The following RBFOX1 variants were observed in gnomAD, a reference collection of about 807,000 sequenced individuals.
RBFOX1 encodes the protein RNA binding fox-1 homolog 1, also known as RNA binding protein fox-1 homolog 1.
Under a neutral mutation model 57.7 loss-of-function variants are expected in RBFOX1, and 8 were observed. That is an observed-to-expected ratio of 0.14 (90% CI 0.08 to 0.25). The LOEUF is 0.25. RBFOX1 is among the 10% of genes least tolerant of loss of function. The pLI is 1.00. For synonymous variants in RBFOX1, 326 were observed against 222.4 expected (o/e 1.47, Z -4.15); for missense variants, 611 against 548.5 (o/e 1.11, Z -1.14).
intron 4 of RBFOX1, among the ~76,000 whole-genome samples, chr16:7,103,802 C>G (rs2063108969): frequency 6.6e-6 from 1 of 152,098 alleles, no homozygotes; most frequent in Non-Finnish European, 1.5e-5. Context: ...TCAGAAATTA[C>G]CAGACTCGTG....
rs181566554 is a variant in RBFOX1 at position 7,572,610 on chromosome 16, C to A, written c.271-7167C>A. On this transcript the variant is annotated intron_variant, in intron 5 of 15. Transcript: ENST00000550418. The stretch of plus-strand genomic sequence containing the variant: ...ATCCCAGCACTTTGGGAGGCTGAGG[C>A]GGGCGGATCACGAGGTCAGGAGATC... Among the ~76,000 whole-genome samples the A allele has an allele frequency of 3.9e-5, 6 of 152,200 alleles. No homozygotes were observed. In the East Asian group the frequency reaches 7.7e-4, roughly 20 times the overall value.
At chr16:5,603,462 C>G (rs899170732), downstream of RBFOX1, among the ~76,000 whole-genome samples, 1 of 152,120 alleles carries the variant, frequency 6.6e-6, no homozygotes, top group Non-Finnish European at 1.5e-5. Context: ...GAGGGGAAGG[C>G]CAGCAGGTTC....
intron 2 of RBFOX1, among the ~76,000 whole-genome samples, chr16:6,603,275 G>A (rs914501878): frequency 1.3e-5 from 2 of 152,148 alleles, no homozygotes; most frequent in Non-Finnish European, 2.9e-5. Context: ...CCGGGGAAAG[G>A]CAGCCCACAT....
intron 3 of RBFOX1, among the ~76,000 whole-genome samples, chr16:6,757,660 G>A (rs2154196123): frequency 6.6e-6 from 1 of 152,248 alleles, no homozygotes; most frequent in African/African-American, 2.4e-5. Flanking sequence ...TAGAGAAGGT[G>A]GGATGAGGGG....
At chr16:6,001,055 G>A (rs1373060835) in intron 4 of RBFOX1, among the ~76,000 whole-genome samples, 2 of 152,098 alleles carry the variant, frequency 1.3e-5, no homozygotes, top group Non-Finnish European at 2.9e-5. Flanking sequence ...ATGGGTAGGT[G>A]GGTTGATGGA....
chr16:5,373,755 C>T (rs1043244484), intron 1 of RBFOX1, among the ~76,000 whole-genome samples: 1 of 151,878 alleles, frequency 6.6e-6, no homozygotes, highest in African/African-American at 2.4e-5. Flanking sequence ...AGGTGCCGAC[C>T]ACCACACCCA....
At chr16:7,147,977 C>T (rs781318389) in intron 4 of RBFOX1, among the ~76,000 whole-genome samples, 1 of 152,134 alleles carries the variant, frequency 6.6e-6, no homozygotes, top group Non-Finnish European at 1.5e-5. Flanking sequence ...CTAGTTAGAA[C>T]CTTGCAGTCA....
chr16:5,602,214 C>G (rs1373179135), downstream of RBFOX1, among the ~76,000 whole-genome samples: 3 of 152,196 alleles, frequency 2.0e-5, no homozygotes, highest in African/African-American at 4.8e-5. Context: ...GTTGGCCTGA[C>G]CATCTCTGGA....
At chr16:6,176,231 G>A (rs186167598) in intron 1 of RBFOX1, among the ~76,000 whole-genome samples, 158 of 151,424 alleles carry the variant, frequency 1.0e-3, no homozygotes, top group Middle Eastern at 3.4e-3. Flanking sequence ...TTGCAACCTC[G>A]GCCTCCCCAG....
intron 4 of RBFOX1, among the ~76,000 whole-genome samples, chr16:7,300,700 G>A (rs1227550185): frequency 6.6e-6 from 1 of 152,174 alleles, no homozygotes; most frequent in Non-Finnish European, 1.5e-5. Context: ...GAAAAAAATG[G>A]TTTCCATTCT....
intron 3 of RBFOX1, among the ~76,000 whole-genome samples, chr16:6,675,187 A>AG (rs1461059226): frequency 6.6e-6 from 1 of 152,172 alleles, no homozygotes; most frequent in African/African-American, 2.4e-5. Context: ...TACAGGCATA[A>AG]GCCACTGCGC....
chr16:7,527,822 G>C (rs78334859), intron 5 of RBFOX1, among the ~76,000 whole-genome samples: 6,274 of 152,224 alleles, frequency 0.041, 191 homozygotes, highest in East Asian at 0.13. Flanking sequence ...TGAGAAATCA[G>C]AGCGGTCTCC....
intron 3 of RBFOX1, among the ~76,000 whole-genome samples, chr16:6,707,871 T>C (rs1186474574): frequency 6.6e-6 from 1 of 152,190 alleles, no homozygotes; most frequent in Middle Eastern, 3.2e-3. Context: ...ATTAAGCTTG[T>C]AACTCTTGGA....
chr16:5,356,267 G>T (rs978434351), intron 1 of RBFOX1, among the ~76,000 whole-genome samples: 1 of 152,196 alleles, frequency 6.6e-6, no homozygotes, highest in Non-Finnish European at 1.5e-5. Context: ...GCCTCCAGAA[G>T]GAATCATCCG....
intron 4 of RBFOX1, among the ~76,000 whole-genome samples, chr16:5,910,335 C>T (rs1299141543): frequency 6.6e-6 from 1 of 152,108 alleles, no homozygotes; most frequent in Non-Finnish European, 1.5e-5. Flanking sequence ...CATAGCACCC[C>T]AAATTCAGTG....
rs115182810 is a variant in RBFOX1 at position 5,566,468 on chromosome 16, C to T, written c.259-32434C>T. ...GAAGTGGAGTTTAATGTGTAGAACCCGCTCCCTCGGGTTGTTATATTTTGT... is the reference window on the plus strand; with the variant it reads ...GAAGTGGAGTTTAATGTGTAGAACCTGCTCCCTCGGGTTGTTATATTTTGT... On this transcript the variant is annotated intron_variant, in intron 2 of 2. Transcript: ENST00000585867. Among the ~76,000 whole-genome samples the T allele has an allele frequency of 5.3e-5, 8 of 152,008 alleles. No individual in the cohort carries two copies. In the East Asian group the frequency reaches 5.8e-4, roughly 11 times the overall value.
rs79516852 is a variant in RBFOX1 at position 7,216,151 on chromosome 16, A to G, written c.27+164053A>G. Reference sequence around the variant, plus strand: ...TGCCAGACAACATACTGTTGTGTGGATATACCATGTTGTATTTACCTCTTT... The same window carrying G: ...TGCCAGACAACATACTGTTGTGTGGGTATACCATGTTGTATTTACCTCTTT... On this transcript the variant is annotated intron_variant, in intron 4 of 15. Transcript: ENST00000550418. 5.4e-3 allele frequency among the ~76,000 whole-genome samples: 818 copies of G among 152,238 alleles called. 12 individuals carry two copies. The highest frequency in any genetic ancestry group is 0.018 in the African/African-American group (757 of 41,526).
At chr16:6,908,261 G>A (rs1483166696) in intron 3 of RBFOX1, among the ~76,000 whole-genome samples, 1 of 151,620 alleles carries the variant, frequency 6.6e-6, no homozygotes, top group Non-Finnish European at 1.5e-5. Context: ...CAGCCTTTCG[G>A]GTGTCCTCTC....
chr16:6,345,194 C>T (rs946562415), intron 2 of RBFOX1, among the ~76,000 whole-genome samples: 16 of 152,116 alleles, frequency 1.1e-4, no homozygotes, highest in African/African-American at 1.9e-4. Flanking sequence ...ATTGGCGCTG[C>T]GTCCAGGAGG....
Sources: allele counts gnomAD v4.1 joint callset (sites outside exome capture counted in the v4.1 genomes callset), GRCh38; gene constraint gnomAD v4.1.1; transcripts MANE v1.5; gene names NCBI Gene and HGNC (gene_info 2026-07-23, HGNC 2026-07-21).